ALG2: variants seen among roughly 807,000 people sequenced by gnomAD.
ALG2 encodes ALG2 alpha-1,3/1,6-mannosyltransferase.
A neutral mutation model predicts 30.5 loss-of-function variants in ALG2; 32 were observed. The observed-to-expected ratio is 1.05, with a 90% CI of 0.79 to 1.41. ALG2 has a LOEUF of 1.41. ALG2 is among the 40% of genes most tolerant of loss of function. ALG2 has a pLI of 0.00. For missense variants in ALG2, 574 were observed against 526.4 expected (o/e 1.09, Z -0.88); for synonymous variants, 253 against 224.8 (o/e 1.13, Z -1.12).
chr9:99,218,759 C>T lies in ALG2; in HGVS notation c.426G>A (p.Leu142=). The change falls in exon 2 of 2, where the codon CTG becomes CTA. Residue 142 remains leucine (L), a synonymous_variant. Transcript: ENST00000476832. ...GAAAAGAATCTCTCTTGGTGAGAAG[C>T]AGATCTGGGAAGTGACAGTAAAATA... ...KILFYCHFPD[L]LLTKRDSFLK... The T allele has an allele frequency of 1.2e-6, 2 of 1,613,794 alleles. No individual in the cohort carries two copies. The highest frequency in any genetic ancestry group is 1.7e-6 in the Non-Finnish European group (2 of 1,180,016).
intron 1 of ALG2, among the ~76,000 whole-genome samples, chr9:99,221,306 C>G (rs1828795783): frequency 6.6e-6 from 1 of 152,204 alleles, no homozygotes; most frequent in Non-Finnish European, 1.5e-5. Flanking sequence ...GATGTCTGGG[C>G]CCCACCTCAG....
rs1828704133 is a variant in ALG2 at position 99,217,018 on chromosome 9, A to G, written c.*916T>C. The G allele has an allele frequency of 2.2e-6, 1 of 454,022 alleles. No homozygotes were observed. The highest frequency in any genetic ancestry group is 4.4e-6 in the Non-Finnish European group (1 of 226,798). The allele number at this position is 454,022 out of a possible 1,614,324, so 28.1% of individuals were successfully genotyped here. ...AAAATATCAGTGTCATGAAAAGGCTAGAGTACATGGAGGGGGAAGATAACT... is the reference window on the plus strand; with the variant it reads ...AAAATATCAGTGTCATGAAAAGGCTGGAGTACATGGAGGGGGAAGATAACT... On this transcript the variant is annotated 3_prime_UTR_variant, in exon 2 of 2. Coordinates refer to ENST00000476832, the MANE Select transcript of ALG2 (RefSeq NM_033087.4).
In ALG2 at chr9:99,218,624, T is replaced by C. The variant is rs958702023; in HGVS notation, c.561A>G (p.Thr187=). Residue 187 remains threonine, a synonymous_variant, in exon 2 of 2, where the codon ACA becomes ACG. Transcript: ENST00000476832. ...SQFTAAVFKE[T]FKSLSHIDPD... ...GGTCTATGTGAGACAGGGACTTGAATGTTTCCTTAAAAACAGCAGCTGTGA... is the reference window on the plus strand; with the variant it reads ...GGTCTATGTGAGACAGGGACTTGAACGTTTCCTTAAAAACAGCAGCTGTGA... 1.2e-6 allele frequency: 2 copies of C among 1,614,104 alleles called. No homozygotes were observed. Among genetic ancestry groups the C allele is most frequent in the African/African-American group, 1.3e-5 (1 of 74,942 alleles).
rs201103031 is a variant in ALG2, at chr9:99,221,927, G to C, written c.-33C>G. 272 of 1,553,442 alleles carry C rather than the reference G, an allele frequency of 1.8e-4. No individual in the cohort carries two copies. The African/African-American group carries it at 3.3e-3, about 19-fold the overall frequency. On this transcript the variant is annotated 5_prime_UTR_variant, in exon 1 of 2. In the 5' UTR this introduces an upstream ATG that the reference lacks. Transcript: ENST00000476832. Reference sequence around the variant, plus strand: ...GAGCCGCAACTGCACCCCGCACCCTGATGGGGGTCTTCTGCGCAAGCTCCG... The same window carrying C: ...GAGCCGCAACTGCACCCCGCACCCTCATGGGGGTCTTCTGCGCAAGCTCCG...
chr9:99,221,541 C>T lies in ALG2; in HGVS notation c.348+6G>A, dbSNP rs368075764. On this transcript the variant is annotated splice_donor_region_variant and intron_variant, in intron 1 of 1. Transcript: ENST00000476832. ...ACTCGCGCAGCCGGCCCCGCGGCCG[C>T]CTCACCTGGTCGCACACTACCACGT... 1.1e-4 allele frequency: 164 copies of T among 1,542,878 alleles called. 1 individual carries two copies. The African/African-American group carries it at 2.1e-3, about 20-fold the overall frequency.
In ALG2 at chr9:99,216,528, C is replaced by T. The variant is rs1226988604; in HGVS notation, c.*1406G>A. ...ACAGAATCATTTTGCCAAAATACTC[C>T]TGTGATACAGATGCACATGATAAAC... On this transcript the variant is annotated 3_prime_UTR_variant, in exon 2 of 2. Coordinates refer to ENST00000476832, the MANE Select transcript of ALG2 (RefSeq NM_033087.4). The T allele has an allele frequency of 2.2e-6, 1 of 453,968 alleles. No homozygotes were observed. The highest frequency in any genetic ancestry group is 2.3e-5 in the Admixed American group (1 of 42,558). The allele number at this position is 453,968 out of a possible 1,614,324, so 28.1% of individuals were successfully genotyped here.
intron 1 of ALG2, among the ~76,000 whole-genome samples, chr9:99,219,198 G>T (rs1304350160): frequency 6.6e-6 from 1 of 152,188 alleles, no homozygotes; most frequent in African/African-American, 2.4e-5. Context: ...CAGTATTAAT[G>T]AGATACTTTA....
In ALG2 at chr9:99,218,053, G is replaced by A. The variant is rs56393253; in HGVS notation, c.1132C>T (p.Arg378Cys). The A allele has an allele frequency of 5.7e-4, 925 of 1,614,126 alleles. 2 individuals are homozygous for A. Among genetic ancestry groups the A allele is most frequent in the African/African-American group, 1.1e-3 (85 of 75,022 alleles). ...ATGGTGGCTTTTAAGGAAGGTTCAC[G>A]GATGAACTTTTCTATTGCTTCTGAG... is the stretch of plus-strand genomic sequence containing the variant. ...HFSEAIEKFI[R>C]EPSLKATMGL... Residue 378 changes from arginine (R) to cysteine (C), a missense_variant, in exon 2 of 2, where the codon CGT becomes TGT. Coordinates refer to ENST00000476832, the MANE Select transcript of ALG2 (RefSeq NM_033087.4).
chr9:99,217,646 G>A lies in ALG2; in HGVS notation c.*288C>T, dbSNP rs1043505507. ...TCATTCAAAATTTATAGACAGAAGA[G>A]CAATAATCCCGAGAAAATATAATTA... On this transcript the variant is annotated 3_prime_UTR_variant, in exon 2 of 2. Transcript: ENST00000476832. 3.8e-6 allele frequency: 2 copies of A among 526,314 alleles called. No individual in the cohort carries two copies. Among genetic ancestry groups the A allele is most frequent in the Non-Finnish European group, 7.3e-6 (2 of 275,210 alleles). The allele number at this position is 526,314 out of a possible 1,614,324, so 32.6% of individuals were successfully genotyped here.
chr9:99,218,943 G>T, intron 1 of ALG2, 107 bp from the exon 2 acceptor site: 1 of 1,195,860 alleles, frequency 8.4e-7, no homozygotes, highest in Non-Finnish European at 1.2e-6. Context: ...CTCCTCATGG[G>T]CAATGTCTGA....
Position 99,221,498 on chromosome 9 carries a change from C to T in ALG2, c.348+49G>A, listed in dbSNP as rs370928507. ...CTCAGGGGTCATGCCCGCGGCCGCC[C>T]TCCACGGCGAGGTCCGCACTCGCGC... is the stretch of plus-strand genomic sequence containing the variant. On this transcript the variant is annotated intron_variant, in intron 1 of 1. Coordinates refer to ENST00000476832, the MANE Select transcript of ALG2 (RefSeq NM_033087.4). 3.1e-3 allele frequency: 4,686 copies of T among 1,530,406 alleles called. 13 individuals carry two copies. The highest frequency in any genetic ancestry group is 3.3e-3 in the Non-Finnish European group (3,807 of 1,139,752). The allele number at this position is 1,530,406 out of a possible 1,614,324, so 94.8% of individuals were successfully genotyped here.
rs1346060281 is a variant in ALG2 at position 99,218,300 on chromosome 9, C to G, written c.885G>C (p.Gln295His). ...AGAAAGACCTCAAGAAGGTCACATACTGGCCAAGGTCGGACTGTTGGACCA... is the reference window on the plus strand; with the variant it reads ...AGAAAGACCTCAAGAAGGTCACATAGTGGCCAAGGTCGGACTGTTGGACCA... ...KKMVQQSDLG[Q>H]YVTFLRSFSD... Residue 295 changes from glutamine (Q) to histidine (H), a missense_variant, in exon 2 of 2, where the codon CAG becomes CAC. Gln to His is a conservative substitution (Grantham distance 24, BLOSUM62 0). Coordinates refer to ENST00000476832, the MANE Select transcript of ALG2 (RefSeq NM_033087.4). 6.2e-7 allele frequency: 1 copy of G among 1,614,122 alleles called. No homozygotes were observed. Among genetic ancestry groups the G allele is most frequent in the African/African-American group, 1.3e-5 (1 of 74,940 alleles).
intron 1 of ALG2, among the ~76,000 whole-genome samples, chr9:99,220,389 C>T (rs74718561): frequency 1.3e-5 from 2 of 152,078 alleles, no homozygotes; most frequent in Non-Finnish European, 2.9e-5. Context: ...TAAGAATGTC[C>T]CGGCTGGGCG....
rs774719293 is a variant in ALG2 at position 99,221,748 on chromosome 9, G to T, written c.147C>A (p.Ile49=). ...GGCCCGGGTCGTAGTGCGCTGTCCAGATCTTCACGCTACACCCGCGCGCCT... is the reference window on the plus strand; with the variant it reads ...GGCCCGGGTCGTAGTGCGCTGTCCATATCTTCACGCTACACCCGCGCGCCT... ...ALQARGCSVK[I]WTAHYDPGHC... is the part of the protein sequence containing the mutation. Residue 49 remains isoleucine, a synonymous_variant, in exon 1 of 2, where the codon ATC becomes ATA. Transcript: ENST00000476832. The T allele has an allele frequency of 1.3e-6, 2 of 1,598,902 alleles. No individual in the cohort carries two copies. The highest frequency in any genetic ancestry group is 2.7e-5 in the African/African-American group (2 of 74,916).
At position 99,218,830 on chromosome 9, in the gene ALG2, C is replaced by G; in HGVS notation, c.355G>C (p.Ala119Pro). ...FDVVVCDQVS[A>P]CIPVFRLARR... ...GCCAGCCTGAACACTGGGATACAGGCAGACACCTAGCCAAAGCAAAAATCA... is the reference window on the plus strand; with the variant it reads ...GCCAGCCTGAACACTGGGATACAGGGAGACACCTAGCCAAAGCAAAAATCA... Residue 119 changes from alanine to proline, a missense_variant, in exon 2 of 2, where the codon GCC (alanine) becomes CCC (proline). Ala to Pro is a conservative substitution (Grantham distance 27, BLOSUM62 -1). Transcript: ENST00000476832. 1 of 1,603,438 alleles carries G rather than the reference C, an allele frequency of 6.2e-7. No individual in the cohort carries two copies. Among genetic ancestry groups the G allele is most frequent in the South Asian group, 1.1e-5 (1 of 91,086 alleles).
intron 1 of ALG2, among the ~76,000 whole-genome samples, chr9:99,219,930 G>T (rs916890371): frequency 4.5e-4 from 69 of 152,190 alleles, no homozygotes; most frequent in African/African-American, 1.6e-3. Context: ...TGCAAGCAAG[G>T]ATGATCAAAA....
In ALG2 at chr9:99,217,717, A is replaced by G. The variant is rs748346515; in HGVS notation, c.*217T>C. 8 of 675,720 alleles carry G rather than the reference A, an allele frequency of 1.2e-5. No homozygotes were observed. In the African/African-American group the frequency reaches 1.2e-4, roughly 10 times the overall value. 41.9% of individuals were successfully genotyped at this position (675,720 alleles called of 1,614,324 possible). On this transcript the variant is annotated 3_prime_UTR_variant, in exon 2 of 2. Transcript: ENST00000476832. ...AATGACACCACATTTGTAACTTAAC[A>G]CTGGCAAAATTTGGAATGATTATAG...
Position 99,217,793 on chromosome 9 carries a change from G to C in ALG2, c.*141C>G, listed in dbSNP as rs1453893455. On this transcript the variant is annotated 3_prime_UTR_variant, in exon 2 of 2. Coordinates refer to ENST00000476832, the MANE Select transcript of ALG2 (RefSeq NM_033087.4). ...AGTGGACAGGGAGGTGTGGTATATA[G>C]GAAAGTGGCTCACATTCAAGACTCA... The C allele has an allele frequency of 1.1e-6, 1 of 908,026 alleles. No homozygotes were observed. Among genetic ancestry groups the C allele is most frequent in the South Asian group, 1.4e-5 (1 of 71,718 alleles). 56.2% of individuals were successfully genotyped at this position (908,026 alleles called of 1,614,324 possible).
At chr9:99,221,021 G>C (rs752836769) in intron 1 of ALG2, 1 of 1,353,116 alleles carries the variant, frequency 7.4e-7, no homozygotes, top group Non-Finnish European at 9.8e-7. Flanking sequence ...CCAATGGGGA[G>C]CCATGTACAA....
Sources: gnomAD v4.1 joint callset for allele counts (sites outside exome capture counted in the v4.1 genomes callset) on GRCh38, gnomAD v4.1.1 for gene constraint, MANE v1.5 for transcripts, NCBI Gene and HGNC (gene_info 2026-07-23, HGNC 2026-07-21) for gene names.